KLHL4: variants seen among roughly 807,000 people sequenced by gnomAD.
KLHL4 encodes the protein kelch like family member 4.
A neutral mutation model predicts 45.8 loss-of-function variants in KLHL4; 17 were observed. That is an observed-to-expected ratio of 0.37 (90% CI 0.25 to 0.56). KLHL4 has a LOEUF of 0.56. KLHL4 is among the 20% of genes least tolerant of loss of function. The pLI, the probability that KLHL4 is intolerant of heterozygous loss-of-function variation, is 0.79. For missense variants in KLHL4, 544 were observed against 544.9 expected (o/e 1.00, Z 0.02); for synonymous variants, 224 against 189.9 (o/e 1.18, Z -1.47).
chrX:87,669,370 G>A lies in KLHL4; in HGVS notation c.*2836G>A. The stretch of plus-strand genomic sequence containing the variant: ...TACAAAACTTCTATACCACACAGAA[G>A]CTGAAAGAGACTCTGGGGCACTAAA... On this transcript the variant is annotated 3_prime_UTR_variant, in exon 11 of 11. Coordinates refer to ENST00000373119, the MANE Select transcript of KLHL4 (RefSeq NM_019117.5). The A allele has an allele frequency of 2.5e-6, 3 of 1,208,306 alleles. No homozygotes were observed. Among genetic ancestry groups the A allele is most frequent in the Non-Finnish European group, 3.4e-6 (3 of 892,866 alleles).
intron 5 of KLHL4, among the ~76,000 whole-genome samples, chrX:87,624,653 C>T (rs1922865024): frequency 9.0e-6 from 1 of 111,649 alleles, no homozygotes; most frequent in South Asian, 3.7e-4. Flanking sequence ...GGACCCAAAA[C>T]TCCAAGGGAA....
Position 87,540,624 on chromosome X carries a change from A to G in KLHL4, c.422+22309A>G, listed in dbSNP as rs191166250. ...GAAGGCCTTTGGGGCAATCATACAC[A>G]TGGAGCTGTATCTCTTATGATAACA... On this transcript the variant is annotated intron_variant, in intron 1 of 10. Coordinates refer to ENST00000373119, the MANE Select transcript of KLHL4 (RefSeq NM_019117.5). Among the ~76,000 whole-genome samples the G allele has an allele frequency of 8.8e-3, 980 of 111,254 alleles. 7 individuals carry two copies. The highest frequency in any genetic ancestry group is 0.03 in the African/African-American group (930 of 30,652).
chrX:87,523,738 G>A (rs562632019), intron 1 of KLHL4, among the ~76,000 whole-genome samples: 2 of 111,346 alleles, frequency 1.8e-5, no homozygotes, highest in Admixed American at 9.6e-5. Context: ...CGAGGCAGGC[G>A]GGTCACTTGA....
chrX:87,545,973 A>G (rs1304333637), intron 1 of KLHL4, among the ~76,000 whole-genome samples: 1 of 111,744 alleles, frequency 8.9e-6, no homozygotes, highest in African/African-American at 3.3e-5. Context: ...GATGATCTGA[A>G]ATCGGAACTT....
In KLHL4 at chrX:87,649,029, C is replaced by T. The variant is rs543014354; in HGVS notation, c.1925+13254C>T. Among the ~76,000 whole-genome samples, 4 of 111,352 alleles carry T rather than the reference C, an allele frequency of 3.6e-5. No individual in the cohort carries two copies. In the South Asian group the frequency reaches 1.5e-3, roughly 41 times the overall value. ...CTCTTAATAGTGCTAATTTTTGTGG[C>T]AAATTATACATAATAAGGATATTTT... On this transcript the variant is annotated intron_variant, in intron 9 of 10. Transcript: ENST00000373119.
intron 9 of KLHL4, among the ~76,000 whole-genome samples, chrX:87,655,087 C>G (rs777461362): frequency 4.4e-4 from 49 of 111,459 alleles, no homozygotes; most frequent in Middle Eastern, 4.6e-3. Context: ...ATATTTTGTC[C>G]CATTCTGAAG....
chrX:87,669,511 T>A lies in KLHL4; in HGVS notation c.*2977T>A. 2 of 898,126 alleles carry A rather than the reference T, an allele frequency of 2.2e-6. No individual in the cohort carries two copies. Among genetic ancestry groups the A allele is most frequent in the South Asian group, 3.7e-5 (1 of 27,375 alleles). The allele number at this position is 898,126 out of a possible 1,213,427, so 74.0% of individuals were successfully genotyped here. A position where few individuals can be genotyped will look rare whatever the true frequency, so the allele number is the denominator to read the frequency against. On this transcript the variant is annotated 3_prime_UTR_variant, in exon 11 of 11. Coordinates refer to ENST00000373119, the MANE Select transcript of KLHL4 (RefSeq NM_019117.5). ...GACAGTTTCCTTCTGGAGTTCCAAA[T>A]GCAATATAGAAAAAAAAACCCTGTG...
intron 1 of KLHL4, among the ~76,000 whole-genome samples, chrX:87,544,129 C>T (rs1479877469): frequency 9.0e-6 from 1 of 110,930 alleles, no homozygotes; most frequent in Non-Finnish European, 1.9e-5. Context: ...GAGCACTCAC[C>T]ACAAGCTGAC....
chrX:87,555,850 G>A (rs1300882837), intron 1 of KLHL4, among the ~76,000 whole-genome samples: 9 of 107,685 alleles, frequency 8.4e-5, no homozygotes, highest in African/African-American at 2.7e-4. Flanking sequence ...TCTCTTGTGG[G>A]CATTTAGTGC....
chrX:87,601,358 T>TAA (rs1452399472), intron 1 of KLHL4, among the ~76,000 whole-genome samples: 1 of 111,498 alleles, frequency 9.0e-6, no homozygotes, highest in Non-Finnish European at 1.9e-5. Flanking sequence ...ATTCTTTCCT[T>TAA]AAAGCAGGTT....
At chrX:87,541,492 CAAA>C (rs34665491) in intron 1 of KLHL4, among the ~76,000 whole-genome samples, 1 of 44,402 alleles carries the variant, frequency 2.3e-5, no homozygotes, top group Non-Finnish European at 3.7e-5. Context: ...CTCCATCTCA[CAAA>C]AAAAAAAAAA....
rs1314108185 is a variant in KLHL4 at position 87,517,857 on chromosome X, T to A, written c.-37T>A. On this transcript the variant is annotated 5_prime_UTR_variant, in exon 1 of 11. Coordinates refer to ENST00000373119, the MANE Select transcript of KLHL4 (RefSeq NM_019117.5). Reference sequence around the variant, plus strand: ...GAGATAACAAAGGCTCCGTTTCCTTTCTGTGAGAGAAGGCTTTTGTCTTTC... The same window carrying A: ...GAGATAACAAAGGCTCCGTTTCCTTACTGTGAGAGAAGGCTTTTGTCTTTC... The A allele has an allele frequency of 8.6e-7, 1 of 1,159,880 alleles. No homozygotes were observed. Among genetic ancestry groups the A allele is most frequent in the Non-Finnish European group, 1.2e-6 (1 of 868,496 alleles).
intron 1 of KLHL4, among the ~76,000 whole-genome samples, chrX:87,550,658 T>G (rs1931791564): frequency 9.0e-6 from 1 of 111,417 alleles, no homozygotes; most frequent in Admixed American, 9.6e-5. Context: ...AAATCCACCA[T>G]GATTAAATGG....
intron 9 of KLHL4, among the ~76,000 whole-genome samples, chrX:87,659,353 T>G (rs1253949266): frequency 3.6e-5 from 4 of 109,671 alleles, no homozygotes; most frequent in African/African-American, 1.3e-4. Flanking sequence ...CTCCTGATCT[T>G]GTGATCCACC....
At chrX:87,557,582 C>A (rs1427405878) in intron 1 of KLHL4, among the ~76,000 whole-genome samples, 1 of 108,480 alleles carries the variant, frequency 9.2e-6, no homozygotes, top group Non-Finnish European at 1.9e-5. Flanking sequence ...TGTAATTAAT[C>A]TTTAAGTCAT....
intron 9 of KLHL4, among the ~76,000 whole-genome samples, chrX:87,659,113 C>CTTTTT (rs1178733729): frequency 8.2e-4 from 37 of 45,099 alleles, no homozygotes; most frequent in Admixed American, 2.1e-3. Context: ...TCTTTTCTTT[C>CTTTTT]TTTTTTTTTT....
intron 9 of KLHL4, among the ~76,000 whole-genome samples, chrX:87,642,371 G>A (rs1923491613): frequency 9.0e-6 from 1 of 111,356 alleles, no homozygotes; most frequent in Admixed American, 9.5e-5. Flanking sequence ...ACATCCTGTG[G>A]GACAAAAGAA....
chrX:87,566,220 T>C (rs1235863907), intron 1 of KLHL4, among the ~76,000 whole-genome samples: 3 of 111,266 alleles, frequency 2.7e-5, no homozygotes, highest in African/African-American at 9.8e-5. Context: ...AGGGAAGACT[T>C]CGCAGCTAGT....
In KLHL4 at chrX:87,572,881, A is replaced by T. The variant is rs759731385; in HGVS notation, c.423-40996A>T. On this transcript the variant is annotated intron_variant, in intron 1 of 10. Coordinates refer to ENST00000373119, the MANE Select transcript of KLHL4 (RefSeq NM_019117.5). ...TAGGGAGAGATAAATTTTTCTTACC[A>T]TTAAGATAAAGAAGAATTGGTTTGC... Among the ~76,000 whole-genome samples the T allele has an allele frequency of 1.6e-4, 18 of 110,397 alleles. No homozygotes were observed. In the East Asian group the frequency reaches 4.0e-3, roughly 24 times the overall value.
Sources: gnomAD v4.1 joint callset for allele counts (sites outside exome capture counted in the v4.1 genomes callset) on GRCh38, gnomAD v4.1.1 for gene constraint, MANE v1.5 for transcripts, NCBI Gene and HGNC (gene_info 2026-07-23, HGNC 2026-07-21) for gene names.